SOX10: variants seen among roughly 807,000 people sequenced by gnomAD.
The protein encoded by SOX10 is SRY-box transcription factor 10, also known as transcription factor SOX-10.
SOX10 carries 3 observed loss-of-function variants against 35.0 expected under a neutral mutation model. That is an observed-to-expected ratio of 0.09 (90% confidence interval 0.04 to 0.22). The LOEUF is 0.22. SOX10 is among the 10% of genes least tolerant of loss of function. SOX10 has a pLI of 1.00. For missense variants in SOX10, 436 were observed against 655.1 expected (o/e 0.67, Z 3.65); for synonymous variants, 285 against 291.0 (o/e 0.98, Z 0.21).
At chr22:37,976,421 G>T (rs1308370697) in intron 3 of SOX10, among the ~76,000 whole-genome samples, 1 of 152,094 alleles carries the variant, frequency 6.6e-6, no homozygotes, top group Non-Finnish European at 1.5e-5. Flanking sequence ...TAGACTATGG[G>T]CCCCTGAGGC....
At chr22:37,979,136 C>T (rs979681388) in intron 2 of SOX10, among the ~76,000 whole-genome samples, 1 of 151,716 alleles carries the variant, frequency 6.6e-6, no homozygotes, top group Non-Finnish European at 1.5e-5. Flanking sequence ...CTCACTCTGT[C>T]GCCCAGGCTG....
rs372400283 is a variant in SOX10 at position 37,983,594 on chromosome 22, T to C, written c.191A>G (p.Asp64Gly). The change falls in exon 2 of 4, where the codon GAC becomes GGC. Residue 64 changes from aspartate (D) to glycine (G), a missense_variant. Around this residue, in one of 3 missense-constraint regions of SOX10, gnomAD observed 97 missense variants for 95.5 expected, o/e 1.02. Coordinates refer to ENST00000396884, the MANE Select transcript of SOX10 (RefSeq NM_006941.4). This position sits in a 1 kb window ranked among gnomAD's most constrained non-coding sequence, Gnocchi z 9.5. ...VKKEQQDGEA[D>G]DDKFPVCIRE... ...GATGCACACGGGGAACTTGTCATCG[T>C]CCGCCTCGCCGTCCTGCTGCTCCTT... 5.0e-6 allele frequency: 8 copies of C among 1,608,940 alleles called. No homozygotes were observed. In the African/African-American group the frequency reaches 8.0e-5, roughly 16 times the overall value.
chr22:37,979,246 C>T (rs1932319128), intron 2 of SOX10, among the ~76,000 whole-genome samples: 1 of 151,784 alleles, frequency 6.6e-6, no homozygotes, highest in Non-Finnish European at 1.5e-5. Context: ...TACAGGCACG[C>T]ACCACCATGC....
chr22:37,981,157 T>C (rs1047282709), intron 2 of SOX10, among the ~76,000 whole-genome samples: 4 of 152,150 alleles, frequency 2.6e-5, no homozygotes, highest in Admixed American at 2.6e-4. Flanking sequence ...TGTGTATCTT[T>C]CTCTTTTTGG....
rs1215416017 is a variant in SOX10, at chr22:37,983,611, C to T, written c.174G>A (p.Gln58=). The change falls in exon 2 of 4, where the codon CAG becomes CAA. Residue 58 remains glutamine (Q), a synonymous_variant. Coordinates refer to ENST00000396884, the MANE Select transcript of SOX10 (RefSeq NM_006941.4). This position sits in a 1 kb window ranked among gnomAD's most constrained non-coding sequence, Gnocchi z 9.5. Reference sequence around the variant, plus strand: ...TGTCATCGTCCGCCTCGCCGTCCTGCTGCTCCTTCTTGACCTTGCCCAGCT... The same window carrying T: ...TGTCATCGTCCGCCTCGCCGTCCTGTTGCTCCTTCTTGACCTTGCCCAGCT... ...PGELGKVKKE[Q]QDGEADDDKF... 1.2e-6 allele frequency: 2 copies of T among 1,607,144 alleles called. No homozygotes were observed. Among genetic ancestry groups the T allele is most frequent in the Admixed American group, 3.3e-5 (2 of 59,830 alleles).
rs1932119044 is a variant in SOX10, at chr22:37,973,451, TG to T, written c.*43del. The T allele has an allele frequency of 1.5e-6, 2 of 1,311,932 alleles. No individual in the cohort carries two copies. Among genetic ancestry groups the T allele is most frequent in the Non-Finnish European group, 1.1e-6 (1 of 948,604 alleles). The allele number at this position is 1,311,932 out of a possible 1,614,324, so 81.3% of individuals were successfully genotyped here. On this transcript the variant is annotated 3_prime_UTR_variant, in exon 4 of 4. Transcript: ENST00000396884. Reference sequence around the variant, plus strand: ...TGGGCAAGGAACAGGGCACACAGGCTGGGGGCAGGGGCTGGGCGGGGGGTGG... The same window carrying T: ...TGGGCAAGGAACAGGGCACACAGGCTGGGGCAGGGGCTGGGCGGGGGGTGG...
In SOX10 at chr22:37,983,801, G is replaced by C; in HGVS notation, c.-17C>G. 1 of 1,421,024 alleles carries C rather than the reference G, an allele frequency of 7.0e-7. No homozygotes were observed. The highest frequency in any genetic ancestry group is 9.2e-7 in the Non-Finnish European group (1 of 1,086,782). The allele number at this position is 1,421,024 out of a possible 1,614,324, so 88.0% of individuals were successfully genotyped here. A position where few individuals can be genotyped will look rare whatever the true frequency, so the allele number is the denominator to read the frequency against. On this transcript the variant is annotated 5_prime_UTR_variant, in exon 2 of 4. Transcript: ENST00000396884. The surrounding 1 kb of genome is among the most constrained non-coding windows in gnomAD (Gnocchi z 9.5). ...CTCCGCCATGTCGCCCCCGGCCGCC[G>C]CCGCCGCCGCCTCGGCCGCCTCCCC...
chr22:37,983,854 G>A lies in SOX10; in HGVS notation c.-70C>T. 7.8e-7 allele frequency: 1 copy of A among 1,287,240 alleles called. No individual in the cohort carries two copies. The highest frequency in any genetic ancestry group is 1.0e-6 in the Non-Finnish European group (1 of 1,004,174). 79.7% of individuals were successfully genotyped at this position (1,287,240 alleles called of 1,614,324 possible). ...GGCCAGCCGCCGGGGTCCTCGCAAA[G>A]AGTCCAACGCCCACCTGGATGGAAG... On this transcript the variant is annotated 5_prime_UTR_variant, in exon 2 of 4. Coordinates refer to ENST00000396884, the MANE Select transcript of SOX10 (RefSeq NM_006941.4). This position sits in a 1 kb window ranked among gnomAD's most constrained non-coding sequence, Gnocchi z 9.5.
chr22:37,973,967 A>T lies in SOX10; in HGVS notation c.929T>A (p.Val310Glu). ...ATAGCCGGCTGCTGAGTAGCTGCTC[A>T]CATGGCCTGGGTGCCCATTGGGCGG... ...YLPPNGHPGHVSSYSAAGYGL... is the reference protein window; with the variant it reads ...YLPPNGHPGHESSYSAAGYGL... The change falls in exon 4 of 4, where the codon GTG becomes GAG. Residue 310 changes from valine (V) to glutamate (E), a missense_variant. Around this residue, in one of 3 missense-constraint regions of SOX10, gnomAD observed 285 missense variants for 402.9 expected, o/e 0.71. Coordinates refer to ENST00000396884, the MANE Select transcript of SOX10 (RefSeq NM_006941.4). The T allele has an allele frequency of 6.2e-7, 1 of 1,612,120 alleles. No individual in the cohort carries two copies. Among genetic ancestry groups the T allele is most frequent in the South Asian group, 1.1e-5 (1 of 91,092 alleles).
chr22:37,973,310 T>G lies in SOX10; in HGVS notation c.*185A>C. The G allele has an allele frequency of 1.8e-6, 1 of 571,234 alleles. No homozygotes were observed. The highest frequency in any genetic ancestry group is 3.1e-6 in the Non-Finnish European group (1 of 321,310). 35.4% of individuals were successfully genotyped at this position (571,234 alleles called of 1,614,324 possible). A position where few individuals can be genotyped will look rare whatever the true frequency, so the allele number is the denominator to read the frequency against. On this transcript the variant is annotated 3_prime_UTR_variant, in exon 4 of 4. Coordinates refer to ENST00000396884, the MANE Select transcript of SOX10 (RefSeq NM_006941.4). ...GCCTGTTCTCCTGGGGCTTTGCTGC[T>G]GGAGCCTGGATGGGGCGGGTGGGTC...
Position 37,980,577 on chromosome 22 carries a change from CA to C in SOX10, c.429-2443del, listed in dbSNP as rs543425438. On this transcript the variant is annotated intron_variant, in intron 2 of 3. Transcript: ENST00000396884. This position sits in a 1 kb window ranked among gnomAD's most constrained non-coding sequence, Gnocchi z 4.1. ...CGGACAGCTGATTCCACCTCCACCC[CA>C]ACCCCAAGCCCAGCCTGCCCACCAT... Among the ~76,000 whole-genome samples the C allele has an allele frequency of 5.6e-4, 85 of 152,288 alleles. No individual in the cohort carries two copies. The highest frequency in any genetic ancestry group is 9.2e-4 in the Admixed American group (14 of 15,292).
chr22:37,974,374 T>C lies in SOX10; in HGVS notation c.698-176A>G, dbSNP rs1932162448. On this transcript the variant is annotated intron_variant, in intron 3 of 3. Coordinates refer to ENST00000396884, the MANE Select transcript of SOX10 (RefSeq NM_006941.4). This position sits in a 1 kb window ranked among gnomAD's most constrained non-coding sequence, Gnocchi z 5.4. ...TTTTTTTTGTTTTTTTTTTTTGAGA[T>C]GGAGTTTCGCTCTTGTTGCCCAGAC... Among the ~76,000 whole-genome samples, 2 of 149,404 alleles carry C rather than the reference T, an allele frequency of 1.3e-5. No homozygotes were observed. Among genetic ancestry groups the C allele is most frequent in the South Asian group, 4.2e-4 (2 of 4,796 alleles).
intron 3 of SOX10, among the ~76,000 whole-genome samples, chr22:37,975,676 A>G (rs1932199566): frequency 6.6e-6 from 1 of 152,196 alleles, no homozygotes; most frequent in South Asian, 2.1e-4. Context: ...TCTGTACTTC[A>G]AGAGACCTGC....
In SOX10 at chr22:37,983,804, G is replaced by C. The variant is rs1410254294; in HGVS notation, c.-20C>G. The C allele has an allele frequency of 2.1e-6, 3 of 1,419,222 alleles. No individual in the cohort carries two copies. The highest frequency in any genetic ancestry group is 1.8e-6 in the Non-Finnish European group (2 of 1,085,756). 87.9% of individuals were successfully genotyped at this position (1,419,222 alleles called of 1,614,324 possible). A position where few individuals can be genotyped will look rare whatever the true frequency, so the allele number is the denominator to read the frequency against. On this transcript the variant is annotated 5_prime_UTR_variant, in exon 2 of 4. Transcript: ENST00000396884. This position sits in a 1 kb window ranked among gnomAD's most constrained non-coding sequence, Gnocchi z 9.5. ...CGCCATGTCGCCCCCGGCCGCCGCC[G>C]CCGCCGCCTCGGCCGCCTCCCCCGG...
chr22:37,973,474 G>T lies in SOX10; in HGVS notation c.*21C>A. The stretch of plus-strand genomic sequence containing the variant: ...GCTGGGGGCAGGGGCTGGGCGGGGG[G>T]TGGTGGCGACAGGGCCCCCTTTAGG... On this transcript the variant is annotated 3_prime_UTR_variant, in exon 4 of 4. Coordinates refer to ENST00000396884, the MANE Select transcript of SOX10 (RefSeq NM_006941.4). 2.0e-6 allele frequency: 3 copies of T among 1,475,070 alleles called. No individual in the cohort carries two copies. Among genetic ancestry groups the T allele is most frequent in the Non-Finnish European group, 2.8e-6 (3 of 1,081,768 alleles). 91.4% of individuals were successfully genotyped at this position (1,475,070 alleles called of 1,614,324 possible).
Position 37,983,494 on chromosome 22 carries a change from G to A in SOX10, c.291C>T (p.Ala97=), listed in dbSNP as rs751182136. ...GCTTGACGTGCGGCTTGCTTTTGCTGGCGCCGTTGACGCGCACGGGCATGG... is the reference window on the plus strand; with the variant it reads ...GCTTGACGTGCGGCTTGCTTTTGCTAGCGCCGTTGACGCGCACGGGCATGG... The part of the protein sequence containing the change: ...LVPMPVRVNG[A]SKSKPHVKRP... Residue 97 remains alanine (A), a synonymous_variant, in exon 2 of 4, where the codon GCC becomes GCT. Transcript: ENST00000396884. This position sits in a 1 kb window ranked among gnomAD's most constrained non-coding sequence, Gnocchi z 9.5. 9 of 1,611,460 alleles carry A rather than the reference G, an allele frequency of 5.6e-6. 1 individual carries two copies. The South Asian group carries it at 6.6e-5, about 12-fold the overall frequency.
At chr22:37,976,823 T>C (rs1485866169) in intron 3 of SOX10, among the ~76,000 whole-genome samples, 1 of 152,128 alleles carries the variant, frequency 6.6e-6, no homozygotes, top group Non-Finnish European at 1.5e-5. Flanking sequence ...GCTGTTATTA[T>C]CATTAATGAA....
chr22:37,976,020 C>G (rs188287422), intron 3 of SOX10, among the ~76,000 whole-genome samples: 1 of 152,082 alleles, frequency 6.6e-6, no homozygotes, highest in Non-Finnish European at 1.5e-5. Context: ...GTCAGGAATT[C>G]GAGACCAGCC....
rs1932130668 is a variant in SOX10 at position 37,973,708 on chromosome 22, G to T, written c.1188C>A (p.Ser396=). 1 of 1,607,170 alleles carries T rather than the reference G, an allele frequency of 6.2e-7. No homozygotes were observed. The highest frequency in any genetic ancestry group is 8.5e-7 in the Non-Finnish European group (1 of 1,175,074). ...GGTCAGAGTAGTCAAACTGGGGGCG[G>T]GAGATGGAGGGGAAGGCTGAGCCAT... ...PHYGSAFPSI[S]RPQFDYSDHQ... Residue 396 remains serine, a synonymous_variant, in exon 4 of 4, where the codon TCC becomes TCA. Coordinates refer to ENST00000396884, the MANE Select transcript of SOX10 (RefSeq NM_006941.4).
Sources: gnomAD v4.1 joint callset for allele counts (sites outside exome capture counted in the v4.1 genomes callset) on GRCh38, gnomAD v4.1.1 for gene constraint, gnomAD v4.1.1 regional missense constraint, Gnocchi (gnomAD v3.1) non-coding constraint, MANE v1.5 for transcripts, NCBI Gene and HGNC (gene_info 2026-07-23, HGNC 2026-07-21) for gene names.